The following ITGA9 variants were observed in gnomAD, a reference collection of about 807,000 sequenced individuals.
The protein encoded by ITGA9 is integrin alpha-9.
ITGA9 carries 56 observed loss-of-function variants against 127.8 expected under a neutral mutation model. That is an observed-to-expected ratio of 0.44 (90% CI 0.35 to 0.55). The LOEUF is 0.55. Among genes scored for constraint, ITGA9 ranks in the 20% least tolerant of loss-of-function variants. ITGA9 has a pLI of 0.00. For missense variants in ITGA9, 1,196 were observed against 1,347.1 expected (o/e 0.89, Z 1.76); for synonymous variants, 508 against 514.5 (o/e 0.99, Z 0.17).
chr3:37,530,350 G>T (rs974501504), intron 13 of ITGA9, among the ~76,000 whole-genome samples: 1 of 152,188 alleles, frequency 6.6e-6, no homozygotes, highest in Non-Finnish European at 1.5e-5. Context: ...AGGAGACCAC[G>T]CATGTGCAAG....
At chr3:37,804,101 C>T (rs1001182873) in intron 27 of ITGA9, among the ~76,000 whole-genome samples, 159 bp downstream of exon 27, 7 of 152,120 alleles carry the variant, frequency 4.6e-5, no homozygotes, top group Non-Finnish European at 7.3e-5. Flanking sequence ...AATCTTGGCT[C>T]CCCTTGAGGC....
At chr3:37,646,632 T>C (rs1700379076) in intron 16 of ITGA9, among the ~76,000 whole-genome samples, 1 of 152,236 alleles carries the variant, frequency 6.6e-6, no homozygotes, top group South Asian at 2.1e-4. Context: ...GAAAAACTTC[T>C]TCCAGGGAAA....
intron 1 of ITGA9, among the ~76,000 whole-genome samples, chr3:37,469,549 C>T (rs536745634): frequency 3.3e-5 from 5 of 152,086 alleles, no homozygotes; most frequent in Admixed American, 3.3e-4. Flanking sequence ...CAACATTATC[C>T]GCACCCCCAG....
At chr3:37,617,193 A>G (rs1248423941) in intron 15 of ITGA9, among the ~76,000 whole-genome samples, 3 of 152,158 alleles carry the variant, frequency 2.0e-5, no homozygotes, top group Admixed American at 6.5e-5. Context: ...GCTTGTCTGT[A>G]AAGGATTTTA....
rs200249844 is a variant in ITGA9 at position 37,736,987 on chromosome 3, A to AGG, written c.2234+11_2234+12dup. ...GCTTCATTGTTACTGCTCAGAGGTA[A>AGG]GGGGGGGGTTTAAACACTTTTTTCA... On this transcript the variant is annotated splice_donor_region_variant and intron_variant, in intron 20 of 27. Transcript: ENST00000264741. 7 of 1,584,932 alleles carry AGG rather than the reference A, an allele frequency of 4.4e-6. No homozygotes were observed. The East Asian group carries it at 8.9e-5, about 20-fold the overall frequency.
chr3:37,540,021 T>A (rs1699249829), intron 14 of ITGA9, among the ~76,000 whole-genome samples: 1 of 152,196 alleles, frequency 6.6e-6, no homozygotes, highest in African/African-American at 2.4e-5. Flanking sequence ...TACTGGCAGT[T>A]GCAATTTGGG....
At chr3:37,511,252 T>C (rs193288587) in intron 8 of ITGA9, among the ~76,000 whole-genome samples, 2 of 152,204 alleles carry the variant, frequency 1.3e-5, no homozygotes, top group Non-Finnish European at 2.9e-5. Context: ...CTCCAAATAG[T>C]ACACTTAAGA....
At chr3:37,627,854 G>A (rs1700190958) in intron 15 of ITGA9, among the ~76,000 whole-genome samples, 1 of 152,188 alleles carries the variant, frequency 6.6e-6, no homozygotes, top group African/African-American at 2.4e-5. Context: ...CTAAAGCAAA[G>A]TGCAGCATGA....
intron 15 of ITGA9, among the ~76,000 whole-genome samples, chr3:37,619,383 C>T (rs575550907): frequency 1.5e-3 from 227 of 152,150 alleles, no homozygotes; most frequent in Non-Finnish European, 2.4e-3. Flanking sequence ...GGATTTTTGC[C>T]AGAGATTTAT....
In ITGA9 at chr3:37,792,221, T is replaced by C. The variant is rs559808339; in HGVS notation, c.2889+7143T>C. Among the ~76,000 whole-genome samples, 205 of 152,330 alleles carry C rather than the reference T, an allele frequency of 1.3e-3. 2 individuals carry two copies. The highest frequency in any genetic ancestry group is 4.7e-3 in the African/African-American group (194 of 41,568). On this transcript the variant is annotated intron_variant, in intron 26 of 27. Transcript: ENST00000264741. ...TTTTCTAATGGTCATCATTTGCTTA[T>C]TTGTTTGATGAATATTTATTGAGGG...
chr3:37,530,544 T>C (rs1699139293), intron 13 of ITGA9, among the ~76,000 whole-genome samples: 1 of 151,968 alleles, frequency 6.6e-6, no homozygotes, highest in Admixed American at 6.5e-5. Context: ...AACCTAACAA[T>C]GGCACCAGTG....
In ITGA9 at chr3:37,779,860, G is replaced by C. The variant is rs530914970; in HGVS notation, c.2668-42G>C. 4.4e-5 allele frequency: 71 copies of C among 1,609,322 alleles called. No homozygotes were observed. In the East Asian group the frequency reaches 1.0e-3, roughly 23 times the overall value. On this transcript the variant is annotated intron_variant, in intron 24 of 27. Coordinates refer to ENST00000264741, the MANE Select transcript of ITGA9 (RefSeq NM_002207.3). The stretch of plus-strand genomic sequence containing the variant: ...TGTAAATTGTTGTGGATTTGTCTTT[G>C]TTCTTAATTCCATTGGAAATTTTTC...
intron 26 of ITGA9, among the ~76,000 whole-genome samples, chr3:37,796,339 T>G (rs1233793902): frequency 1.3e-5 from 2 of 152,186 alleles, no homozygotes; most frequent in African/African-American, 4.8e-5. Flanking sequence ...TGCATTTATT[T>G]TTCTAATTGA....
intron 17 of ITGA9, among the ~76,000 whole-genome samples, chr3:37,675,887 G>T (rs1700677005): frequency 6.6e-6 from 1 of 151,648 alleles, no homozygotes; most frequent in African/African-American, 2.4e-5. Flanking sequence ...GGGACTACAG[G>T]TGTGCACCAC....
intron 15 of ITGA9, among the ~76,000 whole-genome samples, chr3:37,554,778 C>G (rs1210876632): frequency 6.6e-6 from 1 of 152,076 alleles, no homozygotes; most frequent in Non-Finnish European, 1.5e-5. Flanking sequence ...GCCTGAGTAC[C>G]TAAAAGGATG....
At chr3:37,797,622 G>A (rs1007889359) in intron 26 of ITGA9, among the ~76,000 whole-genome samples, 1 of 152,076 alleles carries the variant, frequency 6.6e-6, no homozygotes, top group Non-Finnish European at 1.5e-5. Context: ...GTAGAAAAGA[G>A]AAATAATATT....
At chr3:37,727,519 A>C (rs1001678654) in intron 18 of ITGA9, among the ~76,000 whole-genome samples, 7 of 152,234 alleles carry the variant, frequency 4.6e-5, no homozygotes, top group African/African-American at 1.7e-4. Flanking sequence ...GCATTTATTC[A>C]GTGGCACTCA....
chr3:37,795,473 C>A (rs1246522409), intron 26 of ITGA9, among the ~76,000 whole-genome samples: 3 of 152,226 alleles, frequency 2.0e-5, no homozygotes, highest in Non-Finnish European at 4.4e-5. Flanking sequence ...TCCATGACAC[C>A]AGCTTGGCAA....
chr3:37,774,570 A>C (rs1272882953), intron 23 of ITGA9, among the ~76,000 whole-genome samples: 1 of 151,748 alleles, frequency 6.6e-6, no homozygotes, highest in African/African-American at 2.4e-5. Context: ...AACAAAACAA[A>C]ACAAAAACTA....
Sources: gnomAD v4.1 joint callset for allele counts (sites outside exome capture counted in the v4.1 genomes callset) on GRCh38, gnomAD v4.1.1 for gene constraint, MANE v1.5 for transcripts, NCBI Gene and HGNC (gene_info 2026-07-23, HGNC 2026-07-21) for gene names.